Variants in TNFRSF11A observed in about 807,000 individuals in gnomAD.
TNFRSF11A encodes TNF receptor superfamily member 11a.
In TNFRSF11A, 32 loss-of-function variants were observed where a neutral mutation model predicts 55.7. That is an observed-to-expected ratio of 0.57 (90% CI 0.43 to 0.77). The LOEUF is 0.77. Ranked by LOEUF, TNFRSF11A falls within the 30% of genes least tolerant of loss-of-function variation. The probability of loss-of-function intolerance (pLI) is 0.00; values close to 1 mark genes in which losing one functional copy is unlikely to be tolerated. For missense variants in TNFRSF11A, 753 were observed against 809.8 expected (o/e 0.93, Z 0.85); for synonymous variants, 311 against 331.0 (o/e 0.94, Z 0.65).
chr18:62,348,074 A>G, intron 1 of TNFRSF11A, 94 bp from the exon 2 acceptor site: 1 of 1,022,354 alleles, frequency 9.8e-7, no homozygotes, highest in Non-Finnish European at 1.5e-6. Context: ...AAAAAAAAAA[A>G]AAAAAGTAAT....
chr18:62,328,224 G>A (rs1240510182), intron 1 of TNFRSF11A, among the ~76,000 whole-genome samples: 1 of 151,996 alleles, frequency 6.6e-6, no homozygotes, highest in East Asian at 1.9e-4. Flanking sequence ...GGGAGGAGGG[G>A]AGGGAGAGAG....
chr18:62,346,190 C>T (rs2046381052), intron 1 of TNFRSF11A, among the ~76,000 whole-genome samples: 1 of 152,184 alleles, frequency 6.6e-6, no homozygotes, highest in Non-Finnish European at 1.5e-5. Flanking sequence ...AATTAATACC[C>T]TTTGTCATCT....
intron 9 of TNFRSF11A, among the ~76,000 whole-genome samples, chr18:62,375,603 A>G (rs1267165339): frequency 6.6e-6 from 1 of 152,158 alleles, no homozygotes; most frequent in Non-Finnish European, 1.5e-5. Context: ...CTGGGTGCTG[A>G]GTGTTTTGTG....
intron 9 of TNFRSF11A, among the ~76,000 whole-genome samples, chr18:62,373,430 G>A (rs1910687551): frequency 6.6e-6 from 1 of 151,912 alleles, no homozygotes. Flanking sequence ...TCCAGCCTGG[G>A]CGGCAGAGCA....
At chr18:62,377,507 C>A (rs1910980890) in intron 9 of TNFRSF11A, among the ~76,000 whole-genome samples, 1 of 152,180 alleles carries the variant, frequency 6.6e-6, no homozygotes, top group African/African-American at 2.4e-5. Context: ...TTCCCACTAG[C>A]CAAGAATAAG....
In TNFRSF11A at chr18:62,330,338, C is replaced by T. The variant is rs191246831; in HGVS notation, c.75+4911C>T. Among the ~76,000 whole-genome samples, 20 of 152,334 alleles carry T rather than the reference C, an allele frequency of 1.3e-4. 1 individual carries two copies. Among genetic ancestry groups the T allele is most frequent in the African/African-American group, 3.8e-4 (16 of 41,578 alleles). On this transcript the variant is annotated intron_variant, in intron 1 of 9. Transcript: ENST00000586569. ...CCTGTGTGGTCACATGTGTCTAAAG[C>T]TCTGCAGACCGCATGAGAGAACAGC...
At position 62,367,830 on chromosome 18, in the gene TNFRSF11A, C is replaced by G. The variant is rs548211550; in HGVS notation, c.784-871C>G. On this transcript the variant is annotated intron_variant, in intron 8 of 9. Coordinates refer to ENST00000586569, the MANE Select transcript of TNFRSF11A (RefSeq NM_003839.4). ...TTTTTTTGAGACAGAATCTCACTCT[C>G]TCATCCAGGCTTGAGTGCAATGGCG... Among the ~76,000 whole-genome samples, 13 of 115,548 alleles carry G rather than the reference C, an allele frequency of 1.1e-4. No individual in the cohort carries two copies. In the East Asian group the frequency reaches 4.0e-3, roughly 35 times the overall value. The allele number at this position is 115,548 out of a possible 152,430, so 75.8% of individuals were successfully genotyped here. A position where few individuals can be genotyped will look rare whatever the true frequency, so the allele number is the denominator to read the frequency against.
rs1911889271 is a variant in TNFRSF11A, at chr18:62,388,926, T to C, written c.*3892T>C. 1 of 152,162 alleles carries C rather than the reference T, an allele frequency of 6.6e-6. No individual in the cohort carries two copies. Among genetic ancestry groups the C allele is most frequent in the South Asian group, 2.1e-4 (1 of 4,824 alleles). The allele number at this position is 152,162 out of a possible 1,614,324, so 9.4% of individuals were successfully genotyped here. A position where few individuals can be genotyped will look rare whatever the true frequency, so the allele number is the denominator to read the frequency against. ...AACTCTTGTTACGATTATACAAGGG[T>C]GAGCTTGAGCAAAGGTGCTGTCTTT... On this transcript the variant is annotated 3_prime_UTR_variant, in exon 10 of 10. Coordinates refer to ENST00000586569, the MANE Select transcript of TNFRSF11A (RefSeq NM_003839.4).
chr18:62,365,880 C>A (rs1910047625), intron 7 of TNFRSF11A, among the ~76,000 whole-genome samples: 1 of 152,088 alleles, frequency 6.6e-6, no homozygotes, highest in African/African-American at 2.4e-5. Context: ...TGCAGTGGCA[C>A]AATCTCAGCT....
rs1046496295 is a variant in TNFRSF11A at position 62,387,774 on chromosome 18, G to GA, written c.*2744dup. The GA allele has an allele frequency of 6.6e-6, 1 of 152,174 alleles. No individual in the cohort carries two copies. The highest frequency in any genetic ancestry group is 1.5e-5 in the Non-Finnish European group (1 of 68,036). The allele number at this position is 152,174 out of a possible 1,614,324, so 9.4% of individuals were successfully genotyped here. On this transcript the variant is annotated 3_prime_UTR_variant, in exon 10 of 10. Transcript: ENST00000586569. ...TAGATCAGAACCTTCATGTGGTGGGGAAAATGGGATTATTTCAGTGTAACA... is the reference window on the plus strand; with the variant it reads ...TAGATCAGAACCTTCATGTGGTGGGGAAAAATGGGATTATTTCAGTGTAACA...
At chr18:62,334,489 GA>G (rs1568471831) in intron 1 of TNFRSF11A, among the ~76,000 whole-genome samples, 1 of 152,228 alleles carries the variant, frequency 6.6e-6, no homozygotes, top group Non-Finnish European at 1.5e-5. Flanking sequence ...GGAGGAGGGA[GA>G]AGGATGGCCT....
At chr18:62,363,111 T>C (rs1219563553) in intron 7 of TNFRSF11A, among the ~76,000 whole-genome samples, 1 of 152,158 alleles carries the variant, frequency 6.6e-6, no homozygotes, top group African/African-American at 2.4e-5. Context: ...TCCAAAGTGC[T>C]GGGATTACAG....
chr18:62,368,560 A>G (rs1161384398), intron 8 of TNFRSF11A, 141 bp from the exon 9 acceptor site: 10 of 866,464 alleles, frequency 1.2e-5, no homozygotes, highest in Non-Finnish European at 1.9e-5. Flanking sequence ...GAAATAACAC[A>G]AAGTTCCATA....
At chr18:62,353,061 T>G (rs992627901) in intron 3 of TNFRSF11A, among the ~76,000 whole-genome samples, 33 of 152,198 alleles carry the variant, frequency 2.2e-4, no homozygotes, top group Admixed American at 1.0e-3. Context: ...GGTCATGTAC[T>G]TATGTGCAGT....
At chr18:62,362,558 T>C (rs912264838) in intron 7 of TNFRSF11A, among the ~76,000 whole-genome samples, 2 of 149,514 alleles carry the variant, frequency 1.3e-5, no homozygotes, top group African/African-American at 4.9e-5. Context: ...AAAATTTGGG[T>C]GCTTATTCTT....
chr18:62,351,469 C>T (rs1418347841), intron 3 of TNFRSF11A, among the ~76,000 whole-genome samples: 1 of 152,136 alleles, frequency 6.6e-6, no homozygotes, highest in Non-Finnish European at 1.5e-5. Flanking sequence ...CTGAGCATTC[C>T]TCTTTCTAAC....
intron 9 of TNFRSF11A, among the ~76,000 whole-genome samples, chr18:62,369,882 A>T (rs1289783464): frequency 1.3e-5 from 2 of 152,190 alleles, no homozygotes; most frequent in Non-Finnish European, 2.9e-5. Flanking sequence ...TTTTCAAAGC[A>T]CCTTAGGCCT....
intron 4 of TNFRSF11A, 121 bp downstream of exon 4, chr18:62,354,655 A>G: frequency 7.0e-7 from 1 of 1,433,802 alleles, no homozygotes; most frequent in Non-Finnish European, 9.5e-7. Flanking sequence ...GAGGAACCTG[A>G]GGGATGGGGA....
chr18:62,366,338 T>G (rs1910085699), intron 7 of TNFRSF11A, among the ~76,000 whole-genome samples: 1 of 152,176 alleles, frequency 6.6e-6, no homozygotes, highest in African/African-American at 2.4e-5. Context: ...AAAACAATGG[T>G]TAGCAGGGAC....
Sources: allele counts gnomAD v4.1 joint callset (sites outside exome capture counted in the v4.1 genomes callset), GRCh38; gene constraint gnomAD v4.1.1; transcripts MANE v1.5; gene names NCBI Gene and HGNC (gene_info 2026-07-23, HGNC 2026-07-21).